The following TPRX1 variants were observed in gnomAD, a reference collection of about 807,000 sequenced individuals.
TPRX1 encodes the protein tetra-peptide repeat homeobox protein 1.
Under a neutral mutation model 8.1 loss-of-function variants are expected in TPRX1, and 2 were observed. The ratio of observed to expected loss-of-function variants is 0.25; its 90% CI spans 0.10 to 0.78. The LOEUF (loss-of-function observed/expected upper bound fraction) is 0.78. TPRX1 is among the 30% of genes least tolerant of loss of function. TPRX1 has a pLI of 0.70. For missense variants in TPRX1, 517 were observed against 586.9 expected (o/e 0.88, Z 1.23); for synonymous variants, 257 against 254.1 (o/e 1.01, Z -0.11).
At chr19:47,818,622 G>C in intron 1 of TPRX1, 1 of 452,470 alleles carries the variant, frequency 2.2e-6, no homozygotes, top group Non-Finnish European at 4.4e-6. Context: ...GAGCTAAGGG[G>C]GTGCAGGTAT....
chr19:47,816,478 A>C (rs1266427813), intron 2 of TPRX1, among the ~76,000 whole-genome samples: 1 of 150,838 alleles, frequency 6.6e-6, no homozygotes, highest in Admixed American at 6.6e-5. Flanking sequence ...CTCAGTCTCT[A>C]ATCCATAGCC....
At chr19:47,802,153 G>T in exon 4 of TPRX1, 3 of 1,594,664 alleles carry the variant, frequency 1.9e-6, no homozygotes, top group African/African-American at 1.3e-5. Context: ...GACTTAAGAT[G>T]GGACCTGGGC....
At chr19:47,814,814 T>C (rs1445214972) in intron 2 of TPRX1, among the ~76,000 whole-genome samples, 1 of 152,108 alleles carries the variant, frequency 6.6e-6, no homozygotes, top group African/African-American at 2.4e-5. Flanking sequence ...TTTTGTTTTT[T>C]CTGAGACTGA....
chr19:47,813,163 CCCA>C (rs1568616721), intron 2 of TPRX1, among the ~76,000 whole-genome samples: 1 of 136,242 alleles, frequency 7.3e-6, no homozygotes, highest in African/African-American at 2.7e-5. Flanking sequence ...AACAACCCCC[CCCA>C]CCCCGCCAAA....
In TPRX1 at chr19:47,816,724, G is replaced by T. The variant is rs533216117; in HGVS notation, c.151+1744C>A. Reference sequence around the variant, plus strand: ...TTTTTTGTATTTTTTAGTAGAGATGGGGTTTCACCATGTTAGCCAGGATGG... The same window carrying T: ...TTTTTTGTATTTTTTAGTAGAGATGTGGTTTCACCATGTTAGCCAGGATGG... On this transcript the variant is annotated intron_variant, in intron 2 of 3. Coordinates refer to ENST00000535759, the Ensembl canonical transcript of TPRX1. Among the ~76,000 whole-genome samples, 18 of 151,218 alleles carry T rather than the reference G, an allele frequency of 1.2e-4. 1 individual carries two copies. Among genetic ancestry groups the T allele is most frequent in the Non-Finnish European group, 1.8e-4 (12 of 67,852 alleles).
chr19:47,814,654 G>A (rs1967815167), intron 2 of TPRX1, among the ~76,000 whole-genome samples: 1 of 152,086 alleles, frequency 6.6e-6, no homozygotes, highest in Non-Finnish European at 1.5e-5. Flanking sequence ...ATGACCTGAG[G>A]TTTCCTGAGC....
chr19:47,811,050 C>T (rs1967778402), intron 2 of TPRX1, among the ~76,000 whole-genome samples: 1 of 150,804 alleles, frequency 6.6e-6, no homozygotes, highest in Admixed American at 6.6e-5. Flanking sequence ...GTCACCCAGG[C>T]TGGACCGCAG....
At chr19:47,816,792 A>C (rs1484230153) in intron 2 of TPRX1, among the ~76,000 whole-genome samples, 1 of 152,002 alleles carries the variant, frequency 6.6e-6, no homozygotes, top group Non-Finnish European at 1.5e-5. Flanking sequence ...TTGGCCTCCC[A>C]AAGTGCTGGG....
At chr19:47,813,993 T>C (rs10424504) in intron 2 of TPRX1, among the ~76,000 whole-genome samples, 23,521 of 143,312 alleles carry the variant, frequency 0.16, 2,268 homozygotes, top group Middle Eastern at 0.23. Flanking sequence ...AGGGAGTGGA[T>C]ACAGGCATAT....
At chr19:47,807,987 G>A (rs1435246648) in intron 2 of TPRX1, among the ~76,000 whole-genome samples, 1 of 152,024 alleles carries the variant, frequency 6.6e-6, no homozygotes, top group African/African-American at 2.4e-5. Flanking sequence ...GGAGTGCAGT[G>A]GAGTCAATCG....
At position 47,818,498 on chromosome 19, in the gene TPRX1, G is replaced by A. The variant is rs1257108193; in HGVS notation, c.121C>T (p.Gln41Ter). 2.4e-5 allele frequency: 11 copies of A among 455,956 alleles called. No individual in the cohort carries two copies. The highest frequency in any genetic ancestry group is 4.4e-5 in the Non-Finnish European group (10 of 226,810). 28.2% of individuals were successfully genotyped at this position (455,956 alleles called of 1,614,324 possible). A position where few individuals can be genotyped will look rare whatever the true frequency, so the allele number is the denominator to read the frequency against. The change falls in exon 2 of 4, where the codon CAG (glutamine) becomes TAG (stop). Residue 41 changes from glutamine (Q) to a stop codon, truncating the protein, a stop_gained. Coordinates refer to ENST00000535759, the Ensembl canonical transcript of TPRX1. LOFTEE classifies it high-confidence loss of function. ...TGTGTCTGGGACAGTCCTAGGTACT[G>A]GGAATACAGCTGAGAACAAGACAGA...
intron 2 of TPRX1, among the ~76,000 whole-genome samples, chr19:47,813,946 G>A (rs1204137838): frequency 1.3e-5 from 2 of 149,732 alleles, no homozygotes; most frequent in Non-Finnish European, 3.0e-5. Context: ...AGAGAAGGGC[G>A]TGGTGGGGGC....
intron 2 of TPRX1, among the ~76,000 whole-genome samples, chr19:47,811,564 T>A (rs899438079): frequency 1.3e-5 from 2 of 149,150 alleles, no homozygotes; most frequent in African/African-American, 4.9e-5. Context: ...AGTGGCGCGA[T>A]CTCGGCTCAC....
At chr19:47,815,542 C>T (rs1967831926) in intron 2 of TPRX1, among the ~76,000 whole-genome samples, 1 of 150,024 alleles carries the variant, frequency 6.7e-6, no homozygotes, top group Non-Finnish European at 1.5e-5. Context: ...GGCCCAGTGG[C>T]TCATGCCTGT....
At chr19:47,819,015 T>C (rs150699574) in exon 1 of TPRX1, 4,187 of 221,122 alleles carry the variant, frequency 0.019, 85 homozygotes, top group Admixed American at 0.062. Flanking sequence ...GTCCTTGTGA[T>C]AGTTTGCTCA....
intron 2 of TPRX1, among the ~76,000 whole-genome samples, chr19:47,815,689 G>A (rs1967833897): frequency 6.9e-6 from 1 of 145,178 alleles, no homozygotes; most frequent in South Asian, 2.2e-4. Flanking sequence ...GTGTGCACCT[G>A]TAGTTCCAGC....
chr19:47,801,599 C>G (rs1057177249), exon 4 of TPRX1: 1 of 707,136 alleles, frequency 1.4e-6, no homozygotes, highest in East Asian at 2.8e-5. Context: ...ATTCAAATGA[C>G]AGGCAGGCAC....
chr19:47,801,548 G>A (rs918687302), exon 4 of TPRX1: 2 of 520,360 alleles, frequency 3.8e-6, no homozygotes, highest in South Asian at 6.6e-5. Flanking sequence ...ATATCCCAGT[G>A]AGCAGCGACT....
chr19:47,801,790 T>C (rs141998894), exon 4 of TPRX1: 215 of 1,612,794 alleles, frequency 1.3e-4, no homozygotes, highest in Non-Finnish European at 1.8e-4. Context: ...AATCCAGTAA[T>C]AACCTGGGGC....
Sources: gnomAD v4.1 joint callset for allele counts (sites outside exome capture counted in the v4.1 genomes callset) on GRCh38, gnomAD v4.1.1 for gene constraint, MANE v1.5 for transcripts, NCBI Gene and HGNC (gene_info 2026-07-23, HGNC 2026-07-21) for gene names.